GRIK4: variants seen among roughly 807,000 people sequenced by gnomAD.
The protein encoded by GRIK4 is glutamate receptor ionotropic, kainate 4.
In GRIK4, 40 loss-of-function variants were observed where a neutral mutation model predicts 104.9. The observed-to-expected ratio is 0.38, with a 90% CI of 0.30 to 0.50. The LOEUF is 0.50. Ranked by LOEUF, GRIK4 falls within the 20% of genes least tolerant of loss-of-function variation. The pLI is 0.93. For synonymous variants in GRIK4, 485 were observed against 524.9 expected, an observed-to-expected ratio of 0.92 and a Z score of 1.04; for missense variants, 1,047 against 1,308.1, an observed-to-expected ratio of 0.80 and a Z score of 3.08.
At chr11:120,753,338 T>C (rs1418352916) in intron 3 of GRIK4, among the ~76,000 whole-genome samples, 1 of 140,056 alleles carries the variant, frequency 7.1e-6, no homozygotes, top group South Asian at 2.5e-4. Flanking sequence ...TGTGTGTGTG[T>C]GTGTGCAGGG....
At chr11:120,926,159 G>A (rs1010902631) in intron 13 of GRIK4, among the ~76,000 whole-genome samples, 1 of 152,080 alleles carries the variant, frequency 6.6e-6, no homozygotes, top group African/African-American at 2.4e-5. Context: ...AGGCCTCTCT[G>A]GGCTTTGCCA....
chr11:120,826,349 T>C (rs187056750), intron 6 of GRIK4, among the ~76,000 whole-genome samples: 323 of 152,138 alleles, frequency 2.1e-3, no homozygotes, highest in African/African-American at 7.4e-3. Context: ...AATCAGATAA[T>C]CTGGGTTTGG....
At chr11:120,715,175 G>C (rs912012479) in intron 3 of GRIK4, among the ~76,000 whole-genome samples, 1 of 152,180 alleles carries the variant, frequency 6.6e-6, no homozygotes, top group Non-Finnish European at 1.5e-5. Flanking sequence ...CCTGGGCCAG[G>C]TGCTGGGATT....
chr11:120,730,998 T>C (rs181190604), intron 3 of GRIK4, among the ~76,000 whole-genome samples: 1 of 152,294 alleles, frequency 6.6e-6, no homozygotes. Flanking sequence ...CAAGATCATA[T>C]CATCTGCAAA....
rs555626558 is a variant in GRIK4, at chr11:120,959,385, AGG to A, written c.1875-1521_1875-1520del. Among the ~76,000 whole-genome samples, 164 of 152,318 alleles carry A rather than the reference AGG, an allele frequency of 1.1e-3. 1 individual carries two copies. Among genetic ancestry groups the A allele is most frequent in the African/African-American group, 3.8e-3 (160 of 41,580 alleles). Reference sequence around the variant, plus strand: ...AAGTGTTCTTGGTCACAATGGCAAAAGGGGCAATGGGACCTGCTGCTCTTGAA... The same window carrying A: ...AAGTGTTCTTGGTCACAATGGCAAAAGGCAATGGGACCTGCTGCTCTTGAA... On this transcript the variant is annotated intron_variant, in intron 16 of 20. Transcript: ENST00000527524.
intron 13 of GRIK4, among the ~76,000 whole-genome samples, chr11:120,912,447 G>A (rs531447305): frequency 1.9e-4 from 29 of 152,166 alleles, no homozygotes; most frequent in South Asian, 4.1e-4. Flanking sequence ...GGAGGAAGAC[G>A]GGAGCCCGTG....
chr11:120,824,860 A>G (rs959413275), intron 6 of GRIK4, among the ~76,000 whole-genome samples: 1 of 149,872 alleles, frequency 6.7e-6, no homozygotes, highest in African/African-American at 2.5e-5. Flanking sequence ...TTATTTTATT[A>G]TTATTATTTT....
chr11:120,533,196 G>A (rs1248064299), intron 1 of GRIK4, among the ~76,000 whole-genome samples: 1 of 152,182 alleles, frequency 6.6e-6, no homozygotes, highest in Non-Finnish European at 1.5e-5. Context: ...AAGGACAAGA[G>A]CCTCCTAGCA....
At chr11:120,837,668 A>T (rs1006620910) in intron 8 of GRIK4, among the ~76,000 whole-genome samples, 2 of 150,414 alleles carry the variant, frequency 1.3e-5, no homozygotes, top group African/African-American at 2.4e-5. Context: ...CATAAAACAG[A>T]TGAACTTGTT....
chr11:120,839,410 T>C (rs1043475684), intron 8 of GRIK4, among the ~76,000 whole-genome samples: 3 of 152,236 alleles, frequency 2.0e-5, no homozygotes, highest in African/African-American at 7.2e-5. Context: ...GCAGTTTACT[T>C]AACCTTTCTG....
intron 3 of GRIK4, among the ~76,000 whole-genome samples, chr11:120,718,742 C>T (rs112265309): frequency 1.1e-4 from 17 of 152,334 alleles, no homozygotes; most frequent in African/African-American, 3.8e-4. Context: ...CCAGCCTGGC[C>T]GCTGTTGCCT....
intron 3 of GRIK4, among the ~76,000 whole-genome samples, chr11:120,710,203 T>C (rs1236367331): frequency 2.1e-5 from 3 of 140,156 alleles, no homozygotes; most frequent in Non-Finnish European, 4.5e-5. Context: ...CTCGGAGAAA[T>C]AGGTAGGACA....
At chr11:120,593,531 C>T (rs762669760) in intron 1 of GRIK4, among the ~76,000 whole-genome samples, 2 of 152,114 alleles carry the variant, frequency 1.3e-5, no homozygotes, top group South Asian at 2.1e-4. Flanking sequence ...TTTCTCGTAT[C>T]CCTTTCTGTT....
chr11:120,593,693 T>C (rs1184806778), intron 1 of GRIK4, among the ~76,000 whole-genome samples: 1 of 152,254 alleles, frequency 6.6e-6, no homozygotes, highest in Non-Finnish European at 1.5e-5. Context: ...TCCTGAGTGC[T>C]GTTCTAGCAG....
chr11:120,579,473 G>T (rs1041620779), intron 1 of GRIK4, among the ~76,000 whole-genome samples: 1 of 152,212 alleles, frequency 6.6e-6, no homozygotes, highest in East Asian at 1.9e-4. Flanking sequence ...ATGAGAGGAG[G>T]TCAGAGAAGC....
intron 1 of GRIK4, among the ~76,000 whole-genome samples, chr11:120,537,750 C>T (rs1947992635): frequency 6.6e-6 from 1 of 152,134 alleles, no homozygotes; most frequent in Non-Finnish European, 1.5e-5. Context: ...TGGCCCAGTG[C>T]CACCTGCAAA....
chr11:120,706,339 TC>T (rs1950628335), intron 3 of GRIK4, among the ~76,000 whole-genome samples: 1 of 152,230 alleles, frequency 6.6e-6, no homozygotes, highest in Non-Finnish European at 1.5e-5. Flanking sequence ...TCTTCTGGAC[TC>T]CTGGCTGATC....
chr11:120,604,513 G>A (rs969276361), intron 1 of GRIK4, among the ~76,000 whole-genome samples: 2 of 152,374 alleles, frequency 1.3e-5, no homozygotes, highest in East Asian at 1.9e-4. Context: ...CCAGACCTGG[G>A]AAGTTAAAGT....
At chr11:120,780,903 G>A (rs1180726219) in intron 3 of GRIK4, among the ~76,000 whole-genome samples, 2 of 151,878 alleles carry the variant, frequency 1.3e-5, no homozygotes, top group African/African-American at 4.8e-5. Context: ...CACCACGCCT[G>A]GCTAATTTTT....
Sources: gnomAD v4.1 joint callset for allele counts (sites outside exome capture counted in the v4.1 genomes callset) on GRCh38, gnomAD v4.1.1 for gene constraint, MANE v1.5 for transcripts, NCBI Gene and HGNC (gene_info 2026-07-23, HGNC 2026-07-21) for gene names.